Variants in ABCD3 observed in about 807,000 individuals in gnomAD.
The protein encoded by ABCD3 is ATP binding cassette subfamily D member 3.
A neutral mutation model predicts 105.5 loss-of-function variants in ABCD3; 41 were observed. That is an observed-to-expected ratio of 0.39 (90% CI 0.30 to 0.50). ABCD3 has a LOEUF of 0.50. ABCD3 is among the 20% of genes least tolerant of loss of function. The pLI is 0.84. For synonymous variants in ABCD3, 258 were observed against 269.0 expected, an observed-to-expected ratio of 0.96 and a Z score of 0.40; for missense variants, 622 against 806.3, an observed-to-expected ratio of 0.77 and a Z score of 2.77.
chr1:94,463,464 C>T (rs1049167031), intron 2 of ABCD3, among the ~76,000 whole-genome samples: 1 of 152,108 alleles, frequency 6.6e-6, no homozygotes, highest in Admixed American at 6.5e-5. Context: ...TTTATTTAAT[C>T]AAAGCACATT....
At chr1:94,469,341 T>C (rs191005951) in intron 4 of ABCD3, among the ~76,000 whole-genome samples, 13 of 152,248 alleles carry the variant, frequency 8.5e-5, no homozygotes, top group African/African-American at 3.1e-4. Flanking sequence ...ATAAAAATTA[T>C]ATAATTTTTG....
At chr1:94,515,057 G>T in intron 21 of ABCD3, 89 bp from the exon 22 acceptor site, 1 of 1,030,096 alleles carries the variant, frequency 9.7e-7, no homozygotes, top group Non-Finnish European at 1.5e-6. Flanking sequence ...AGTCACTGAA[G>T]ACTGTCCTCT....
At chr1:94,460,712 GT>G (rs1343096070) in intron 2 of ABCD3, among the ~76,000 whole-genome samples, 1 of 152,066 alleles carries the variant, frequency 6.6e-6, no homozygotes, top group East Asian at 1.9e-4. Context: ...CCATGTCAGT[GT>G]CTGTTCTCTG....
chr1:94,497,385 A>T (rs2101038780), intron 16 of ABCD3, among the ~76,000 whole-genome samples: 1 of 152,318 alleles, frequency 6.6e-6, no homozygotes, highest in Admixed American at 6.5e-5. Context: ...TAGGAACAGA[A>T]GGCTCACCAG....
At chr1:94,394,273 C>T in the ABCD3 span, among the ~76,000 whole-genome samples, 1 of 152,090 alleles carries the variant, frequency 6.6e-6, no homozygotes, top group Non-Finnish European at 1.5e-5. Flanking sequence ...ATCTGTGAGA[C>T]AGTAATATTA....
At chr1:94,440,391 AC>A (rs1462886559) in intron 1 of ABCD3, among the ~76,000 whole-genome samples, 8 of 152,170 alleles carry the variant, frequency 5.3e-5, no homozygotes, top group Non-Finnish European at 8.8e-5. Flanking sequence ...CTATGGTCTC[AC>A]ATAGTATTCT....
intron 4 of ABCD3, among the ~76,000 whole-genome samples, chr1:94,469,757 C>T (rs936432187): frequency 6.7e-6 from 1 of 148,876 alleles, no homozygotes; most frequent in Admixed American, 6.8e-5. Context: ...CCTCTGCCTC[C>T]TGGGTTCACG....
chr1:94,495,955 A>G (rs939645420), intron 16 of ABCD3, among the ~76,000 whole-genome samples: 41 of 152,330 alleles, frequency 2.7e-4, no homozygotes, highest in African/African-American at 8.9e-4. Context: ...AAGTCTATCA[A>G]AATGATTCTT....
chr1:94,493,498 C>A lies in ABCD3; in HGVS notation c.1386+2251C>A, dbSNP rs1570814938. ...GAACACTTTTACACTGTTGGTGGGACTGTAAACTAGTTCAACCATTGTGGA... is the reference window on the plus strand; with the variant it reads ...GAACACTTTTACACTGTTGGTGGGAATGTAAACTAGTTCAACCATTGTGGA... On this transcript the variant is annotated intron_variant, in intron 16 of 22. Coordinates refer to ENST00000370214, the MANE Select transcript of ABCD3 (RefSeq NM_002858.4). Among the ~76,000 whole-genome samples, 8 of 151,496 alleles carry A rather than the reference C, an allele frequency of 5.3e-5. No homozygotes were observed. In the South Asian group the frequency reaches 1.5e-3, roughly 28 times the overall value.
At position 94,477,756 on chromosome 1, in the gene ABCD3, A is replaced by G. The variant is rs186628518; in HGVS notation, c.628-503A>G. ...GTTCTAGAGACTTGAGTTTTATATC[A>G]CAAAATTAGATTCAATGGCTTACTT... On this transcript the variant is annotated intron_variant, in intron 7 of 22. Transcript: ENST00000370214. Among the ~76,000 whole-genome samples, 178 of 68,048 alleles carry G rather than the reference A, an allele frequency of 2.6e-3. 1 individual carries two copies. Among genetic ancestry groups the G allele is most frequent in the African/African-American group, 5.8e-3 (175 of 30,124 alleles). The allele number at this position is 68,048 out of a possible 152,430, so 44.6% of individuals were successfully genotyped here.
At chr1:94,499,818 T>A (rs550941748) in intron 20 of ABCD3, among the ~76,000 whole-genome samples, 2 of 152,322 alleles carry the variant, frequency 1.3e-5, no homozygotes, top group East Asian at 3.9e-4. Flanking sequence ...CCTGCCAGTA[T>A]CTATGAAAGG....
At chr1:94,406,080 C>T in the ABCD3 span, among the ~76,000 whole-genome samples, 2 of 151,658 alleles carry the variant, frequency 1.3e-5, no homozygotes, top group Non-Finnish European at 2.9e-5. Flanking sequence ...TATCTGTGAT[C>T]CATGTGGAGT....
chr1:94,477,286 CA>C (rs1162150204), intron 7 of ABCD3, among the ~76,000 whole-genome samples: 2 of 137,760 alleles, frequency 1.5e-5, no homozygotes, highest in Non-Finnish European at 3.1e-5. Context: ...TGAAACAAGC[CA>C]GTTAACAAAC....
At position 94,464,947 on chromosome 1, in the gene ABCD3, A is replaced by T. The variant is rs1426965423; in HGVS notation, c.246+74A>T. 8 of 1,261,868 alleles carry T rather than the reference A, an allele frequency of 6.3e-6. No homozygotes were observed. The East Asian group carries it at 1.7e-4, about 26-fold the overall frequency. The allele number at this position is 1,261,868 out of a possible 1,614,324, so 78.2% of individuals were successfully genotyped here. A position where few individuals can be genotyped will look rare whatever the true frequency, so the allele number is the denominator to read the frequency against. ...TAAAATACCTGAGGCTGGGTAATTT[A>T]TAAAGAAAAGAGATTTAATTGGCTC... On this transcript the variant is annotated intron_variant, in intron 3 of 22. Transcript: ENST00000370214.
At chr1:94,410,118 A>AT in the ABCD3 span, among the ~76,000 whole-genome samples, 1 of 152,212 alleles carries the variant, frequency 6.6e-6, no homozygotes, top group Non-Finnish European at 1.5e-5. Context: ...GGAACTGAGC[A>AT]TGCAAGTGTG....
chr1:94,395,768 G>C, the ABCD3 span, among the ~76,000 whole-genome samples: 22 of 152,210 alleles, frequency 1.4e-4, 1 homozygote, highest in Middle Eastern at 3.4e-3. Flanking sequence ...GTGGTTACCT[G>C]TAGTAGTTCC....
At chr1:94,474,951 A>G (rs1052939715) in intron 5 of ABCD3, among the ~76,000 whole-genome samples, 192 bp from the exon 6 acceptor site, 1 of 152,192 alleles carries the variant, frequency 6.6e-6, no homozygotes, top group African/African-American at 2.4e-5. Flanking sequence ...AAACTTTAAC[A>G]TAGAATAATT....
At chr1:94,484,530 G>C (rs1308012858) in intron 10 of ABCD3, among the ~76,000 whole-genome samples, 1 of 152,128 alleles carries the variant, frequency 6.6e-6, no homozygotes, top group African/African-American at 2.4e-5. Context: ...GCAAACTGTT[G>C]CAAGGACGGA....
intron 10 of ABCD3, among the ~76,000 whole-genome samples, chr1:94,484,538 G>A (rs1048310200): frequency 3.3e-5 from 5 of 152,062 alleles, no homozygotes; most frequent in Admixed American, 6.6e-5. Context: ...TTGCAAGGAC[G>A]GAAAACCAAA....
Sources: allele counts gnomAD v4.1 joint callset (sites outside exome capture counted in the v4.1 genomes callset), GRCh38; gene constraint gnomAD v4.1.1; transcripts MANE v1.5; gene names NCBI Gene and HGNC (gene_info 2026-07-23, HGNC 2026-07-21).